PDS5A: variants seen among roughly 807,000 people sequenced by gnomAD.
The protein encoded by PDS5A is sister chromatid cohesion protein PDS5 homolog A.
PDS5A carries 42 observed loss-of-function variants against 167.1 expected under a neutral mutation model. The observed-to-expected ratio is 0.25, with a 90% CI of 0.20 to 0.33. The LOEUF (loss-of-function observed/expected upper bound fraction) is 0.33, where lower values mean the gene tolerates loss of function less well. PDS5A is among the 10% of genes least tolerant of loss of function. The pLI, the probability that PDS5A is intolerant of heterozygous loss-of-function variation, is 1.00. For missense variants in PDS5A, 1,033 were observed against 1,605.9 expected (o/e 0.64, Z 6.10); for synonymous variants, 553 against 554.6 (o/e 1.00, Z 0.04).
At chr4:39,959,799 A>G (rs1047080878) in intron 2 of PDS5A, among the ~76,000 whole-genome samples, 1 of 151,838 alleles carries the variant, frequency 6.6e-6, no homozygotes, top group Non-Finnish European at 1.5e-5. Flanking sequence ...TAGTGAAAAT[A>G]CAAAAATTAG....
Position 39,925,802 on chromosome 4 carries a change from A to G in PDS5A, c.527+34T>C, listed in dbSNP as rs1309674403. 3.7e-6 allele frequency: 3 copies of G among 817,632 alleles called. No individual in the cohort carries two copies. The South Asian group carries it at 5.9e-5, about 16-fold the overall frequency. 50.6% of individuals were successfully genotyped at this position (817,632 alleles called of 1,614,324 possible). On this transcript the variant is annotated intron_variant, in intron 5 of 32. Coordinates refer to ENST00000303538, the MANE Select transcript of PDS5A (RefSeq NM_001100399.2). ...ACATCTGAATACATAATCAAGAAAA[A>G]GAGACAAACAGAAATGCTTAAAAAA... is the stretch of plus-strand genomic sequence containing the variant.
chr4:39,854,611 T>C (rs1406282500), intron 26 of PDS5A, among the ~76,000 whole-genome samples: 2 of 152,334 alleles, frequency 1.3e-5, no homozygotes, highest in East Asian at 3.9e-4. Context: ...CAAGTGTGAG[T>C]TATGTGCCTA....
chr4:39,823,882 G>A lies in PDS5A; in HGVS notation c.*1603C>T, dbSNP rs973982986. ...CAACTCTTGATTATCTATGAGAAAC[G>A]TAAGTGACATTTACTCTCAAACTTC... On this transcript the variant is annotated 3_prime_UTR_variant, in exon 33 of 33. Transcript: ENST00000303538. 2.6e-5 allele frequency: 4 copies of A among 152,492 alleles called. No homozygotes were observed. The highest frequency in any genetic ancestry group is 9.7e-5 in the African/African-American group (4 of 41,440). 9.4% of individuals were successfully genotyped at this position (152,492 alleles called of 1,614,324 possible).
At chr4:39,850,684 C>T (rs1005432350) in intron 26 of PDS5A, among the ~76,000 whole-genome samples, 3 of 152,254 alleles carry the variant, frequency 2.0e-5, no homozygotes, top group East Asian at 1.9e-4. Flanking sequence ...ACCCAGCCAC[C>T]CAATTAAGGA....
intron 32 of PDS5A, among the ~76,000 whole-genome samples, chr4:39,828,436 C>T (rs1715510786): frequency 6.6e-6 from 1 of 152,098 alleles, no homozygotes; most frequent in South Asian, 2.1e-4. Flanking sequence ...CATTACTGAC[C>T]TAATGTTTTG....
chr4:39,897,483 C>T (rs997807320), intron 16 of PDS5A, among the ~76,000 whole-genome samples: 2 of 152,096 alleles, frequency 1.3e-5, no homozygotes, highest in Non-Finnish European at 2.9e-5. Context: ...ACTACAACCT[C>T]CACCTCCCGA....
intron 24 of PDS5A, 118 bp downstream of exon 24, chr4:39,863,218 T>C (rs1719146320): frequency 1.1e-6 from 1 of 915,912 alleles, no homozygotes; most frequent in Admixed American, 2.7e-5. Context: ...GTTAAACAGG[T>C]AATAATAGTA....
chr4:39,911,692 C>T (rs76965524), intron 9 of PDS5A, among the ~76,000 whole-genome samples: 14,621 of 151,936 alleles, frequency 0.096, 878 homozygotes, highest in East Asian at 0.22. Flanking sequence ...ATTAGCCGGG[C>T]GCACTGGCGG....
intron 19 of PDS5A, among the ~76,000 whole-genome samples, chr4:39,876,280 CTT>C (rs1187807802): frequency 1.3e-5 from 2 of 152,032 alleles, no homozygotes; most frequent in African/African-American, 4.8e-5. Context: ...ATTGTGGTAA[CTT>C]TTTATTATTA....
intron 8 of PDS5A, among the ~76,000 whole-genome samples, chr4:39,914,727 T>C (rs1724201209): frequency 6.6e-6 from 1 of 152,196 alleles, no homozygotes; most frequent in East Asian, 1.9e-4. Context: ...TCTAAAACCA[T>C]ATGGTGTGTG....
At chr4:39,936,150 T>A (rs1726579364) in intron 2 of PDS5A, among the ~76,000 whole-genome samples, 2 of 152,182 alleles carry the variant, frequency 1.3e-5, no homozygotes, top group Non-Finnish European at 2.9e-5. Flanking sequence ...TTCAATGCTG[T>A]GTATGTATGT....
chr4:39,880,968 A>T, intron 17 of PDS5A, among the ~76,000 whole-genome samples: 1 of 150,412 alleles, frequency 6.6e-6, no homozygotes, highest in East Asian at 1.9e-4. Context: ...TACCTTTTCC[A>T]GCTTCTTGTT....
At chr4:39,952,725 ATTTTTT>A (rs35943320) in intron 2 of PDS5A, among the ~76,000 whole-genome samples, 7 of 128,254 alleles carry the variant, frequency 5.5e-5, no homozygotes, top group African/African-American at 8.7e-5. Flanking sequence ...CAGATCTGGA[ATTTTTT>A]TTTTTTTTTT....
chr4:39,949,821 GAAA>G (rs59869303), intron 2 of PDS5A, among the ~76,000 whole-genome samples: 1 of 67,186 alleles, frequency 1.5e-5, no homozygotes, highest in African/African-American at 5.5e-5. Flanking sequence ...CTCTGTCTCA[GAAA>G]AAAAAAAAAA....
At position 39,929,519 on chromosome 4, in the gene PDS5A, CTATATATATATATATATATATATATATA is replaced by C. The variant is rs58069502; in HGVS notation, c.139-1383_139-1356del. Among the ~76,000 whole-genome samples, 96 of 79,406 alleles carry C rather than the reference CTATATATATATATATATATATATATATA, an allele frequency of 1.2e-3. 1 individual carries two copies. Among genetic ancestry groups the C allele is most frequent in the African/African-American group, 8.1e-3 (93 of 11,430 alleles). 52.1% of individuals were successfully genotyped at this position (79,406 alleles called of 152,430 possible). A position where few individuals can be genotyped will look rare whatever the true frequency, so the allele number is the denominator to read the frequency against. On this transcript the variant is annotated intron_variant, in intron 2 of 32. Transcript: ENST00000303538. Reference sequence around the variant, plus strand: ...GCCTTGTGAGTTAATACTTAATAAACTATATATATATATATATATATATATATATATATATATCCCATTAATATCCTAC... The same window carrying C: ...GCCTTGTGAGTTAATACTTAATAAACTATATATATCCCATTAATATCCTAC...
chr4:39,842,663 T>C (rs1329537275), intron 30 of PDS5A, among the ~76,000 whole-genome samples: 1 of 151,810 alleles, frequency 6.6e-6, no homozygotes, highest in Non-Finnish European at 1.5e-5. Flanking sequence ...TGATAAAGGT[T>C]TGATGTGACG....
chr4:39,946,905 T>C lies in PDS5A; in HGVS notation c.139-18741A>G, dbSNP rs1233441037. Among the ~76,000 whole-genome samples the C allele has an allele frequency of 3.3e-5, 5 of 151,938 alleles. No individual in the cohort carries two copies. In the South Asian group the frequency reaches 1.0e-3, roughly 32 times the overall value. ...TCCAGCCTGGGCGTTGCAGCAAGAC[T>C]TGTGTCTTGGGAAAAAGAGAAATAA... On this transcript the variant is annotated intron_variant, in intron 2 of 32. Coordinates refer to ENST00000303538, the MANE Select transcript of PDS5A (RefSeq NM_001100399.2).
chr4:39,960,092 C>CA (rs576829886), intron 2 of PDS5A, among the ~76,000 whole-genome samples: 188 of 151,490 alleles, frequency 1.2e-3, no homozygotes, highest in African/African-American at 4.3e-3. Context: ...GACTTCGTCT[C>CA]AAAAAAACAA....
intron 32 of PDS5A, among the ~76,000 whole-genome samples, chr4:39,830,368 A>G (rs1398820634): frequency 2.0e-5 from 3 of 152,034 alleles, no homozygotes; most frequent in African/African-American, 7.3e-5. Context: ...TTCTTTTTAA[A>G]TTTTTTGTAG....
Sources: gnomAD v4.1 joint callset for allele counts (sites outside exome capture counted in the v4.1 genomes callset) on GRCh38, gnomAD v4.1.1 for gene constraint, MANE v1.5 for transcripts, NCBI Gene and HGNC (gene_info 2026-07-23, HGNC 2026-07-21) for gene names.